Variants in RAB31 observed in about 807,000 individuals in gnomAD.
RAB31 encodes RAB31, member RAS oncogene family.
Under a neutral mutation model 25.6 loss-of-function variants are expected in RAB31, and 21 were observed. The ratio of observed to expected loss-of-function variants is 0.82; its 90% CI spans 0.58 to 1.18. The LOEUF is 1.18. RAB31 is among the 50% of genes most tolerant of loss of function. RAB31 has a pLI of 0.00. For missense variants in RAB31, 196 were observed against 250.1 expected (o/e 0.78, Z 1.46); for synonymous variants, 87 against 84.0 (o/e 1.04, Z -0.20).
At position 9,717,247 on chromosome 18, in the gene RAB31, A is replaced by T. The variant is rs2068049427; in HGVS notation, c.39+8803A>T. On this transcript the variant is annotated intron_variant, in intron 1 of 6. Coordinates refer to ENST00000578921, the MANE Select transcript of RAB31 (RefSeq NM_006868.4). Reference sequence around the variant, plus strand: ...CACCAAATGGGTTTTTCACTGTGGGATCTTTTGATGAGTTTTTTTCGAATA... The same window carrying T: ...CACCAAATGGGTTTTTCACTGTGGGTTCTTTTGATGAGTTTTTTTCGAATA... 2.0e-5 allele frequency among the ~76,000 whole-genome samples: 3 copies of T among 152,020 alleles called. No homozygotes were observed. The South Asian group carries it at 6.2e-4, about 32-fold the overall frequency.
chr18:9,732,061 A>G (rs1262996929), intron 1 of RAB31, among the ~76,000 whole-genome samples: 10 of 152,214 alleles, frequency 6.6e-5, no homozygotes, highest in Admixed American at 5.9e-4. Flanking sequence ...GAAGACACAC[A>G]GGATGAGCAG....
chr18:9,720,188 T>C (rs1019152661), intron 1 of RAB31, among the ~76,000 whole-genome samples: 15 of 152,198 alleles, frequency 9.9e-5, no homozygotes, highest in Non-Finnish European at 1.6e-4. Context: ...GGTCTCGAAC[T>C]CCTGACTTCA....
At chr18:9,809,695 G>GTCCA (rs1319363740) in intron 3 of RAB31, among the ~76,000 whole-genome samples, 1 of 152,140 alleles carries the variant, frequency 6.6e-6, no homozygotes, top group East Asian at 1.9e-4. Context: ...AAATTTATGT[G>GTCCA]TCCATTCTTT....
chr18:9,843,355 G>C (rs978603905), intron 5 of RAB31, among the ~76,000 whole-genome samples: 1 of 152,026 alleles, frequency 6.6e-6, no homozygotes, highest in Admixed American at 6.6e-5. Context: ...GACCAGACTG[G>C]GCAACGTGGC....
chr18:9,757,461 C>T (rs1044981548), intron 1 of RAB31, among the ~76,000 whole-genome samples: 1 of 152,360 alleles, frequency 6.6e-6, no homozygotes, highest in Middle Eastern at 3.4e-3. Context: ...ACCTTGTCAT[C>T]TCTGTGTGCT....
chr18:9,849,805 G>C (rs2068780023), intron 6 of RAB31: 1 of 152,412 alleles, frequency 6.6e-6, no homozygotes, highest in South Asian at 2.1e-4. Flanking sequence ...TCCCAAGGCA[G>C]GAAATGTCGT....
intron 1 of RAB31, among the ~76,000 whole-genome samples, chr18:9,743,574 G>A (rs1003597295): frequency 2.6e-5 from 4 of 152,212 alleles, no homozygotes; most frequent in Non-Finnish European, 2.9e-5. Context: ...GGGTGGGTTT[G>A]GGAAAGCTCC....
At position 9,833,741 on chromosome 18, in the gene RAB31, G is replaced by A. The variant is rs76228843; in HGVS notation, c.381-11841G>A. On this transcript the variant is annotated intron_variant, in intron 5 of 6. Coordinates refer to ENST00000578921, the MANE Select transcript of RAB31 (RefSeq NM_006868.4). ...CTCTTACCTCAACATCATTGTGTTC[G>A]TTATGGATAGGAAGACATAAGCCAT... Among the ~76,000 whole-genome samples, 729 of 152,222 alleles carry A rather than the reference G, an allele frequency of 4.8e-3. 7 individuals are homozygous for A. Among genetic ancestry groups the A allele is most frequent in the African/African-American group, 0.016 (677 of 41,522 alleles).
rs1181988807 is a variant in RAB31 at position 9,860,824 on chromosome 18, A to C, written c.*1499A>C. On this transcript the variant is annotated 3_prime_UTR_variant, in exon 7 of 7. Coordinates refer to ENST00000578921, the MANE Select transcript of RAB31 (RefSeq NM_006868.4). Reference sequence around the variant, plus strand: ...AGAGGTTGTGAGCTGATTGGATTAAAGACCTGGCACTTCAGTAACTCAGCA... The same window carrying C: ...AGAGGTTGTGAGCTGATTGGATTAACGACCTGGCACTTCAGTAACTCAGCA... 1 of 152,196 alleles carries C rather than the reference A, an allele frequency of 6.6e-6. No homozygotes were observed. The highest frequency in any genetic ancestry group is 1.5e-5 in the Non-Finnish European group (1 of 68,042). The allele number at this position is 152,196 out of a possible 1,614,324, so 9.4% of individuals were successfully genotyped here. A position where few individuals can be genotyped will look rare whatever the true frequency, so the allele number is the denominator to read the frequency against.
chr18:9,746,446 G>T (rs892518608), intron 1 of RAB31, among the ~76,000 whole-genome samples: 1 of 152,106 alleles, frequency 6.6e-6, no homozygotes, highest in East Asian at 1.9e-4. Context: ...ATTGCAGGAG[G>T]CCCCAAATAG....
At chr18:9,732,790 A>G (rs1248437382) in intron 1 of RAB31, among the ~76,000 whole-genome samples, 2 of 152,240 alleles carry the variant, frequency 1.3e-5, no homozygotes, top group African/African-American at 2.4e-5. Context: ...CTCATGCAAC[A>G]GTATTGACTG....
Position 9,708,472 on chromosome 18 carries a change from G to T in RAB31, c.39+28G>T. ...GAGTCCTGGCCGCCACCCGCCGGCG[G>T]ACCCCGGCCCGCGCTCTCGCGCCCC... On this transcript the variant is annotated intron_variant, in intron 1 of 6. Transcript: ENST00000578921. The surrounding 1 kb of genome is among the most constrained non-coding windows in gnomAD (Gnocchi z 6.4). 1 of 1,544,146 alleles carries T rather than the reference G, an allele frequency of 6.5e-7. No homozygotes were observed.
At chr18:9,812,431 G>T (rs963471727) in intron 3 of RAB31, among the ~76,000 whole-genome samples, 2 of 152,094 alleles carry the variant, frequency 1.3e-5, no homozygotes, top group Non-Finnish European at 2.9e-5. Flanking sequence ...AAGATATTCA[G>T]CACATTCCAT....
intron 1 of RAB31, among the ~76,000 whole-genome samples, chr18:9,772,156 G>A (rs1177515286): frequency 6.6e-6 from 1 of 152,080 alleles, no homozygotes; most frequent in Non-Finnish European, 1.5e-5. Flanking sequence ...CCATTGTTTT[G>A]AGCACATCCC....
chr18:9,835,517 C>G (rs1405530653), intron 5 of RAB31, among the ~76,000 whole-genome samples: 1 of 152,182 alleles, frequency 6.6e-6, no homozygotes, highest in Non-Finnish European at 1.5e-5. Flanking sequence ...GTGGCGAGAA[C>G]CTGACACTGC....
chr18:9,762,588 G>T (rs1204506367), intron 1 of RAB31, among the ~76,000 whole-genome samples: 1 of 152,086 alleles, frequency 6.6e-6, no homozygotes, highest in Non-Finnish European at 1.5e-5. Context: ...TTTTTTTACA[G>T]TTAAGGCCAC....
intron 1 of RAB31, among the ~76,000 whole-genome samples, chr18:9,732,864 T>G (rs1174814232): frequency 6.6e-6 from 1 of 152,202 alleles, no homozygotes; most frequent in African/African-American, 2.4e-5. Flanking sequence ...TCATCGTCTG[T>G]GCTAATGCTC....
At chr18:9,778,415 G>A (rs1051812168) in intron 2 of RAB31, among the ~76,000 whole-genome samples, 1 of 152,108 alleles carries the variant, frequency 6.6e-6, no homozygotes, top group African/African-American at 2.4e-5. Flanking sequence ...TGAACAACTC[G>A]GGGATTAAGG....
intron 2 of RAB31, among the ~76,000 whole-genome samples, chr18:9,786,328 C>A (rs766121838): frequency 6.6e-6 from 1 of 152,240 alleles, no homozygotes; most frequent in Admixed American, 6.5e-5. Context: ...TTGCCCTAAG[C>A]GTCTCTTCAT....
Sources: gnomAD v4.1 joint callset for allele counts (sites outside exome capture counted in the v4.1 genomes callset) on GRCh38, gnomAD v4.1.1 for gene constraint, Gnocchi (gnomAD v3.1) non-coding constraint, MANE v1.5 for transcripts, NCBI Gene and HGNC (gene_info 2026-07-23, HGNC 2026-07-21) for gene names.